The following RBFOX1 variants were observed in gnomAD, a reference collection of about 807,000 sequenced individuals.
RBFOX1 encodes the protein RNA binding fox-1 homolog 1.
Under a neutral mutation model 57.7 loss-of-function variants are expected in RBFOX1, and 8 were observed. That is an observed-to-expected ratio of 0.14 (90% confidence interval 0.08 to 0.25). The LOEUF is 0.25. Ranked by LOEUF, RBFOX1 falls within the 10% of genes least tolerant of loss-of-function variation. The probability of loss-of-function intolerance (pLI) is 1.00; values close to 1 mark genes in which losing one functional copy is unlikely to be tolerated. For synonymous variants in RBFOX1, 326 were observed against 222.4 expected (o/e 1.47, Z -4.15); for missense variants, 611 against 548.5 (o/e 1.11, Z -1.14).
intron 5 of RBFOX1, among the ~76,000 whole-genome samples, chr16:7,558,103 C>T (rs1266695428): frequency 6.6e-6 from 1 of 152,050 alleles, no homozygotes; most frequent in African/African-American, 2.4e-5. Context: ...GCCTGTAATT[C>T]CAGCACTTTG....
At chr16:6,653,604 A>T (rs1333620819) in intron 2 of RBFOX1, among the ~76,000 whole-genome samples, 1 of 152,112 alleles carries the variant, frequency 6.6e-6, no homozygotes, top group Non-Finnish European at 1.5e-5. Flanking sequence ...TGAGTGGATG[A>T]GTGGAATGGT....
chr16:6,370,144 A>G (rs7185380), intron 2 of RBFOX1, among the ~76,000 whole-genome samples: 131,765 of 151,952 alleles, frequency 0.87, 57,544 homozygotes, highest in African/African-American at 0.96. Context: ...GGATCATGAG[A>G]TCAGGAGATC....
At chr16:6,266,867 A>T (rs1440657005) in intron 1 of RBFOX1, among the ~76,000 whole-genome samples, 1 of 152,146 alleles carries the variant, frequency 6.6e-6, no homozygotes, top group Non-Finnish European at 1.5e-5. Flanking sequence ...CTTCTGTATG[A>T]CATTCAGTTC....
At chr16:5,397,303 G>T (rs2066586510) in intron 1 of RBFOX1, among the ~76,000 whole-genome samples, 1 of 151,630 alleles carries the variant, frequency 6.6e-6, no homozygotes, top group Non-Finnish European at 1.5e-5. Flanking sequence ...TCCTTCTGGA[G>T]TGGCAGCCCC....
At chr16:5,578,391 G>C (rs1010495247) in intron 2 of RBFOX1, among the ~76,000 whole-genome samples, 1 of 152,198 alleles carries the variant, frequency 6.6e-6, no homozygotes, top group Non-Finnish European at 1.5e-5. Flanking sequence ...GTGGAGTGGA[G>C]AAAGGAGAGG....
chr16:6,188,094 T>C (rs895590381), intron 1 of RBFOX1, among the ~76,000 whole-genome samples: 1 of 152,178 alleles, frequency 6.6e-6, no homozygotes, highest in Non-Finnish European at 1.5e-5. Flanking sequence ...GATCCACGTA[T>C]ACAAAAAGTT....
chr16:7,026,980 C>T (rs1367692017), intron 3 of RBFOX1, among the ~76,000 whole-genome samples: 1 of 152,134 alleles, frequency 6.6e-6, no homozygotes, highest in Non-Finnish European at 1.5e-5. Flanking sequence ...CTGAAGCATA[C>T]ATCAGCACCC....
intron 4 of RBFOX1, among the ~76,000 whole-genome samples, chr16:7,430,849 GGGGGCTT>G (rs1568867828): frequency 1.3e-5 from 2 of 152,174 alleles, no homozygotes; most frequent in Non-Finnish European, 2.9e-5. Context: ...TTCATAGGAA[GGGGGCTT>G]GGTTATCATG....
intron 4 of RBFOX1, among the ~76,000 whole-genome samples, chr16:5,921,812 G>C (rs886396778): frequency 2.0e-5 from 3 of 152,094 alleles, no homozygotes; most frequent in African/African-American, 7.2e-5. Context: ...TGGCGTGAGA[G>C]GGAGGGAGCA....
chr16:6,072,371 T>C (rs2095847936), intron 1 of RBFOX1, among the ~76,000 whole-genome samples: 1 of 152,200 alleles, frequency 6.6e-6, no homozygotes, highest in African/African-American at 2.4e-5. Flanking sequence ...CTTAGGTGGC[T>C]TCCATATTTT....
intron 1 of RBFOX1, among the ~76,000 whole-genome samples, chr16:5,265,569 G>C (rs538969997): frequency 6.6e-6 from 1 of 152,268 alleles, no homozygotes; most frequent in South Asian, 2.1e-4. Flanking sequence ...AAAGAAAATT[G>C]ACAATAAAAT....
In RBFOX1 at chr16:5,328,267, C is replaced by T. The variant is rs536904387; in HGVS notation, c.219+88162C>T. On this transcript the variant is annotated intron_variant, in intron 1 of 2. Transcript: ENST00000585867. ...AAAGGGGCCCCTAATCCAATCTGATCAGCGTTTTTATAAGAGGGGATTTTG... is the reference window on the plus strand; with the variant it reads ...AAAGGGGCCCCTAATCCAATCTGATTAGCGTTTTTATAAGAGGGGATTTTG... Among the ~76,000 whole-genome samples the T allele has an allele frequency of 7.3e-4, 111 of 152,110 alleles. 1 individual carries two copies. Among genetic ancestry groups the T allele is most frequent in the Admixed American group, 2.6e-4 (4 of 15,268 alleles).
intron 2 of RBFOX1, among the ~76,000 whole-genome samples, chr16:5,594,599 A>G (rs1158008711): frequency 6.6e-6 from 1 of 152,202 alleles, no homozygotes; most frequent in African/African-American, 2.4e-5. Context: ...GGAGGCTTCC[A>G]GGTCAGAGGT....
intron 4 of RBFOX1, among the ~76,000 whole-genome samples, chr16:5,884,817 A>G (rs1280743576): frequency 6.6e-6 from 1 of 152,078 alleles, no homozygotes; most frequent in Non-Finnish European, 1.5e-5. Flanking sequence ...GGTGCTCTCA[A>G]GAGGCTCCAT....
At chr16:6,148,944 C>T (rs1366584403) in intron 1 of RBFOX1, among the ~76,000 whole-genome samples, 1 of 152,044 alleles carries the variant, frequency 6.6e-6, no homozygotes, top group African/African-American at 2.4e-5. Context: ...TTAAAAAATT[C>T]CAAGGCTCAC....
rs71142645 is a variant in RBFOX1 at position 5,693,367 on chromosome 16, CA to C, written c.318+94416del. ...ATTTTAAAAGCATATATAGGCAGAT[CA>C]AAAAAAAAACAAAAACAAAATATCT... On this transcript the variant is annotated intron_variant, in intron 3 of 19. Transcript: ENST00000641259. Among the ~76,000 whole-genome samples the C allele has an allele frequency of 9.2e-4, 137 of 148,432 alleles. 1 individual carries two copies. The highest frequency in any genetic ancestry group is 3.1e-3 in the African/African-American group (128 of 40,638).
chr16:6,932,129 G>A (rs1031122588), intron 3 of RBFOX1, among the ~76,000 whole-genome samples: 1 of 151,952 alleles, frequency 6.6e-6, no homozygotes, highest in African/African-American at 2.4e-5. Flanking sequence ...TTTTCAGATG[G>A]CATCCCATCT....
chr16:6,205,762 T>A (rs1178267571), intron 1 of RBFOX1, among the ~76,000 whole-genome samples: 1 of 151,520 alleles, frequency 6.6e-6, no homozygotes, highest in Non-Finnish European at 1.5e-5. Flanking sequence ...ATTTCTAGAC[T>A]TTTTTTCTGC....
intron 1 of RBFOX1, among the ~76,000 whole-genome samples, chr16:5,457,629 C>G (rs1216362787): frequency 6.6e-6 from 1 of 152,154 alleles, no homozygotes; most frequent in Non-Finnish European, 1.5e-5. Flanking sequence ...GCATGGAGCA[C>G]TCTTTCTCCT....
Sources: allele counts gnomAD v4.1 joint callset (sites outside exome capture counted in the v4.1 genomes callset), GRCh38; gene constraint gnomAD v4.1.1; transcripts MANE v1.5; gene names NCBI Gene and HGNC (gene_info 2026-07-23, HGNC 2026-07-21).